The following CHRNB4 variants were observed in gnomAD, a reference collection of about 807,000 sequenced individuals.
CHRNB4 encodes cholinergic receptor nicotinic beta 4 subunit.
In CHRNB4, 23 loss-of-function variants were observed where a neutral mutation model predicts 40.4. The observed-to-expected ratio is 0.57, with a 90% CI of 0.41 to 0.81. The LOEUF (loss-of-function observed/expected upper bound fraction) is 0.81. Ranked by LOEUF, CHRNB4 falls within the 30% of genes least tolerant of loss-of-function variation. CHRNB4 has a pLI of 0.00. For synonymous variants in CHRNB4, 285 were observed against 274.4 expected (o/e 1.04, Z -0.38); for missense variants, 568 against 670.6 (o/e 0.85, Z 1.69).
chr15:78,645,281 T>C (rs1048691377), upstream of CHRNB4, among the ~76,000 whole-genome samples: 1 of 152,164 alleles, frequency 6.6e-6, no homozygotes, highest in Non-Finnish European at 1.5e-5. Context: ...GCCTTTCTCT[T>C]GGATGCCACA....
At chr15:78,643,897 C>A (rs2141403114), upstream of CHRNB4, among the ~76,000 whole-genome samples, 1 of 151,954 alleles carries the variant, frequency 6.6e-6, no homozygotes, top group South Asian at 2.1e-4. Flanking sequence ...CGCCTATAAT[C>A]CCAGGCCTTT....
intron 1 of CHRNB4, among the ~76,000 whole-genome samples, chr15:78,640,493 C>G (rs2054046509): frequency 6.6e-6 from 1 of 152,242 alleles, no homozygotes; most frequent in African/African-American, 2.4e-5. Context: ...GATCCACCCC[C>G]AAAGCACAAA....
At chr15:78,632,270 T>G (rs1471494214) in intron 2 of CHRNB4, among the ~76,000 whole-genome samples, 8 of 110,916 alleles carry the variant, frequency 7.2e-5, no homozygotes, top group South Asian at 3.5e-4. Context: ...TTTCTTTCTT[T>G]CTTTCTTTCT....
chr15:78,630,911 G>T, intron 4 of CHRNB4, 165 bp downstream of exon 4: 1 of 607,938 alleles, frequency 1.6e-6, no homozygotes, highest in Non-Finnish European at 2.9e-6. Context: ...GTAACTGAGG[G>T]CTCTGGCTCT....
intron 1 of CHRNB4, among the ~76,000 whole-genome samples, chr15:78,636,478 G>A (rs1174608651): frequency 1.3e-5 from 2 of 152,046 alleles, no homozygotes; most frequent in African/African-American, 2.4e-5. Context: ...ACTGACACTG[G>A]CTTATCTTTC....
chr15:78,645,998 T>C (rs113606012), upstream of CHRNB4, among the ~76,000 whole-genome samples: 2,048 of 150,176 alleles, frequency 0.014, 49 homozygotes, highest in African/African-American at 0.048. Context: ...AGGCAGAGAT[T>C]GCAGTGAGCC....
At chr15:78,640,169 A>G (rs919680297) in intron 1 of CHRNB4, among the ~76,000 whole-genome samples, 8 of 152,048 alleles carry the variant, frequency 5.3e-5, no homozygotes, top group African/African-American at 1.9e-4. Flanking sequence ...CCTGACTCCT[A>G]CCTCCTGCCT....
intron 5 of CHRNB4, 44 bp from the exon 6 acceptor site, chr15:78,625,335 G>A: frequency 1.3e-6 from 2 of 1,502,854 alleles, no homozygotes; most frequent in Non-Finnish European, 8.9e-7. Context: ...CAAGTACTGG[G>A]GTCCCTCCTT....
chr15:78,651,488 G>A (rs1192600153), intron 6 of CHRNB4, among the ~76,000 whole-genome samples: 1 of 152,224 alleles, frequency 6.6e-6, no homozygotes, highest in Non-Finnish European at 1.5e-5. Context: ...GCAAGGCACA[G>A]CTGCCCAGAG....
At chr15:78,642,649 C>T (rs2054091026), upstream of CHRNB4, among the ~76,000 whole-genome samples, 1 of 152,152 alleles carries the variant, frequency 6.6e-6, no homozygotes, top group Non-Finnish European at 1.5e-5. Context: ...GACATAAAAC[C>T]TGGAGGCCAC....
chr15:78,655,309 C>T (rs1016100743), intron 5 of CHRNB4, among the ~76,000 whole-genome samples: 5 of 151,370 alleles, frequency 3.3e-5, no homozygotes, highest in Admixed American at 6.6e-5. Flanking sequence ...CAGGCTCAAG[C>T]GATCCTCCCC....
At chr15:78,655,894 T>C (rs956304413) in intron 4 of CHRNB4, among the ~76,000 whole-genome samples, 1 of 152,236 alleles carries the variant, frequency 6.6e-6, no homozygotes, top group African/African-American at 2.4e-5. Context: ...ATTTATTTAG[T>C]TCCTCTTCAA....
At chr15:78,655,483 TCAC>T in intron 5 of CHRNB4, 1 of 149,248 alleles carries the variant, frequency 6.7e-6, no homozygotes, top group African/African-American at 2.4e-5. Context: ...TATATATATC[TCAC>T]ATATAATTAC....
At chr15:78,660,735 C>G (rs746588896), upstream of CHRNB4, 22 of 198,042 alleles carry the variant, frequency 1.1e-4, no homozygotes, top group Non-Finnish European at 2.0e-4. Context: ...CTGAGAGAAG[C>G]TTTGGTTCTT....
chr15:78,638,626 G>A (rs149639467), intron 1 of CHRNB4, among the ~76,000 whole-genome samples: 1 of 75,326 alleles, frequency 1.3e-5, no homozygotes, highest in Admixed American at 9.9e-5. Context: ...TGGCCGGGGG[G>A]CCGGGGGGGT....
chr15:78,627,672 G>A (rs1233359692), intron 5 of CHRNB4: 2 of 152,158 alleles, frequency 1.3e-5, no homozygotes, highest in African/African-American at 4.8e-5. Flanking sequence ...GTTAATATGA[G>A]AACATTCACA....
intron 1 of CHRNB4, among the ~76,000 whole-genome samples, chr15:78,637,265 C>T (rs561758591): frequency 6.6e-6 from 1 of 152,290 alleles, no homozygotes; most frequent in East Asian, 1.9e-4. Context: ...TCTCCCTCAC[C>T]TGTCTGGGAG....
At chr15:78,635,175 A>G (rs534374068) in intron 2 of CHRNB4, among the ~76,000 whole-genome samples, 1 of 152,340 alleles carries the variant, frequency 6.6e-6, no homozygotes, top group East Asian at 1.9e-4. Flanking sequence ...CCAGCTGAGC[A>G]GAGTCTACAG....
At chr15:78,631,381 C>A (rs1186142665) in intron 2 of CHRNB4, 49 bp from the exon 3 acceptor site, 1 of 1,584,778 alleles carries the variant, frequency 6.3e-7, no homozygotes, top group Non-Finnish European at 8.6e-7. Context: ...AGGAGCCTCA[C>A]AAATGGATTG....
Sources: allele counts gnomAD v4.1 joint callset (sites outside exome capture counted in the v4.1 genomes callset), GRCh38; gene constraint gnomAD v4.1.1; transcripts MANE v1.5; gene names NCBI Gene and HGNC (gene_info 2026-07-23, HGNC 2026-07-21).